The following DLGAP2 variants were observed in gnomAD, a reference collection of about 807,000 sequenced individuals.
The protein encoded by DLGAP2 is disks large-associated protein 2.
Under a neutral mutation model 100.3 loss-of-function variants are expected in DLGAP2, and 26 were observed. The ratio of observed to expected loss-of-function variants is 0.26; its 90% confidence interval spans 0.19 to 0.36. The LOEUF (loss-of-function observed/expected upper bound fraction) is 0.36, where lower values mean the gene tolerates loss of function less well. Ranked by LOEUF, DLGAP2 falls within the 10% of genes least tolerant of loss-of-function variation. The pLI is 1.00. For synonymous variants in DLGAP2, 886 were observed against 630.1 expected (o/e 1.41, Z -6.08); for missense variants, 1,858 against 1,453.2 (o/e 1.28, Z -4.53).
chr8:1,443,692 G>A (rs1431164684), intron 3 of DLGAP2, among the ~76,000 whole-genome samples: 1 of 152,156 alleles, frequency 6.6e-6, no homozygotes, highest in East Asian at 1.9e-4. Flanking sequence ...CAGGGGAACT[G>A]CCCTTTATAA....
At chr8:770,745 G>A (rs575775401) in intron 1 of DLGAP2, among the ~76,000 whole-genome samples, 1 of 152,274 alleles carries the variant, frequency 6.6e-6, no homozygotes, top group Non-Finnish European at 1.5e-5. Flanking sequence ...TGCATTGTGA[G>A]CCCCTGAGCT....
At chr8:905,063 T>C (rs1798348087) in intron 1 of DLGAP2, among the ~76,000 whole-genome samples, 1 of 152,136 alleles carries the variant, frequency 6.6e-6, no homozygotes, top group Non-Finnish European at 1.5e-5. Flanking sequence ...CTGTCAACGT[T>C]AGGGGTGAGC....
chr8:1,273,048 C>T (rs1165990361), intron 3 of DLGAP2, among the ~76,000 whole-genome samples: 2 of 152,160 alleles, frequency 1.3e-5, no homozygotes, highest in South Asian at 2.1e-4. Context: ...GTCCATTTGA[C>T]CACTGGGGTT....
At chr8:856,236 T>TAGAGTGCAA (rs1797275749) in intron 1 of DLGAP2, among the ~76,000 whole-genome samples, 1 of 145,376 alleles carries the variant, frequency 6.9e-6, no homozygotes, top group Non-Finnish European at 1.5e-5. Flanking sequence ...TTGCCCAGAC[T>TAGAGTGCAA]AGAGTGCAAT....
intron 3 of DLGAP2, among the ~76,000 whole-genome samples, chr8:1,289,468 C>T (rs1800011621): frequency 1.3e-5 from 2 of 152,114 alleles, no homozygotes; most frequent in Admixed American, 6.5e-5. Flanking sequence ...TTTTTAAGCC[C>T]CTCTGCACAC....
chr8:1,060,460 G>A (rs1291183340), intron 2 of DLGAP2, among the ~76,000 whole-genome samples: 5 of 152,032 alleles, frequency 3.3e-5, no homozygotes, highest in African/African-American at 4.8e-5. Flanking sequence ...ATGGAAGCGC[G>A]TCACCGACCC....
At position 980,600 on chromosome 8, in the gene DLGAP2, C is replaced by T. The variant is rs148216523; in HGVS notation, c.73+72634C>T. Among the ~76,000 whole-genome samples, 82 of 152,232 alleles carry T rather than the reference C, an allele frequency of 5.4e-4. 1 individual carries two copies. In the East Asian group the frequency reaches 0.013, roughly 24 times the overall value. ...AACACGTGCTGTGTGCTGTCCATGG[C>T]GCTGAACTCTGTTGACACAGAGGTG... On this transcript the variant is annotated intron_variant, in intron 2 of 14. Transcript: ENST00000637795.
At chr8:1,024,742 C>T (rs1006978272) in intron 2 of DLGAP2, among the ~76,000 whole-genome samples, 4 of 152,298 alleles carry the variant, frequency 2.6e-5, no homozygotes, top group South Asian at 4.1e-4. Flanking sequence ...GTCACGGTCA[C>T]GTAGGGTCCT....
intron 6 of DLGAP2, among the ~76,000 whole-genome samples, chr8:1,603,736 C>G (rs1002750644): frequency 3.9e-5 from 6 of 152,164 alleles, no homozygotes; most frequent in African/African-American, 1.4e-4. Context: ...GTAGTTGGAA[C>G]AGTCAGTATT....
intron 2 of DLGAP2, among the ~76,000 whole-genome samples, chr8:987,004 C>A (rs1164172645): frequency 6.6e-6 from 1 of 152,140 alleles, no homozygotes; most frequent in Non-Finnish European, 1.5e-5. Flanking sequence ...ATACAGTAAT[C>A]CACAAGGAGG....
At chr8:1,095,311 C>T (rs537614935) in intron 2 of DLGAP2, among the ~76,000 whole-genome samples, 5 of 152,302 alleles carry the variant, frequency 3.3e-5, no homozygotes, top group South Asian at 2.1e-4. Flanking sequence ...TCTGCAGAAC[C>T]GCTCTCTCCC....
chr8:1,212,848 T>A (rs1246519789), intron 2 of DLGAP2, among the ~76,000 whole-genome samples: 3 of 147,566 alleles, frequency 2.0e-5, no homozygotes, highest in East Asian at 4.1e-4. Context: ...CATGTATATG[T>A]ACTCATCTTC....
chr8:1,079,307 A>G (rs1455288556), intron 2 of DLGAP2, among the ~76,000 whole-genome samples: 2 of 152,280 alleles, frequency 1.3e-5, no homozygotes. Context: ...CTTTTATAAG[A>G]TTTGTGTTTT....
chr8:1,119,208 TG>T (rs1259496928), intron 2 of DLGAP2, among the ~76,000 whole-genome samples: 1 of 152,264 alleles, frequency 6.6e-6, no homozygotes, highest in African/African-American at 2.4e-5. Context: ...GCATGCAATT[TG>T]CAGAATAAGA....
At chr8:997,877 C>G (rs533003812) in intron 2 of DLGAP2, among the ~76,000 whole-genome samples, 1 of 152,048 alleles carries the variant, frequency 6.6e-6, no homozygotes. Context: ...AACACACATA[C>G]ACACATGCAT....
At chr8:1,576,295 G>A (rs546327273) in intron 6 of DLGAP2, among the ~76,000 whole-genome samples, 6 of 152,132 alleles carry the variant, frequency 3.9e-5, no homozygotes, top group Non-Finnish European at 5.9e-5. Context: ...CATGTCCTTC[G>A]CCCACTTGTT....
At chr8:1,516,174 C>A (rs183252398) in intron 4 of DLGAP2, among the ~76,000 whole-genome samples, 5 of 145,268 alleles carry the variant, frequency 3.4e-5, no homozygotes, top group African/African-American at 1.3e-4. Flanking sequence ...GATGAGTGAC[C>A]AAGTGAGTTA....
At chr8:1,051,871 G>A (rs984987510) in intron 2 of DLGAP2, among the ~76,000 whole-genome samples, 21 of 152,024 alleles carry the variant, frequency 1.4e-4, no homozygotes, top group East Asian at 3.9e-4. Flanking sequence ...AGTCTGCTAC[G>A]GGTTTTTTCC....
chr8:834,792 C>T (rs1200722950), intron 1 of DLGAP2, among the ~76,000 whole-genome samples: 1 of 152,072 alleles, frequency 6.6e-6, no homozygotes, highest in Non-Finnish European at 1.5e-5. Context: ...CATTTGTACC[C>T]CAAACCTCAG....
Sources: gnomAD v4.1 joint callset for allele counts (sites outside exome capture counted in the v4.1 genomes callset) on GRCh38, gnomAD v4.1.1 for gene constraint, MANE v1.5 for transcripts, NCBI Gene and HGNC (gene_info 2026-07-23, HGNC 2026-07-21) for gene names.